Variants in SMPDL3A observed in about 807,000 individuals in gnomAD.
SMPDL3A encodes the protein cyclic GMP-AMP phosphodiesterase SMPDL3A.
A neutral mutation model predicts 38.5 loss-of-function variants in SMPDL3A; 39 were observed. The ratio of observed to expected loss-of-function variants is 1.01; its 90% CI spans 0.78 to 1.32. SMPDL3A has a LOEUF of 1.32. Ranked by LOEUF, SMPDL3A falls within the 40% of genes most tolerant of loss-of-function variation. The pLI, the probability that SMPDL3A is intolerant of heterozygous loss-of-function variation, is 0.00. For missense variants in SMPDL3A, 502 were observed against 536.2 expected, an observed-to-expected ratio of 0.94 and a Z score of 0.63; for synonymous variants, 180 against 194.3, an observed-to-expected ratio of 0.93 and a Z score of 0.61.
At chr6:122,793,390 G>A (rs1009664145) in intron 1 of SMPDL3A, among the ~76,000 whole-genome samples, 8 of 152,138 alleles carry the variant, frequency 5.3e-5, no homozygotes, top group African/African-American at 1.9e-4. Flanking sequence ...CAAACAGTCT[G>A]ACTCTGGCCT....
At chr6:122,791,002 G>A (rs749543469) in intron 1 of SMPDL3A, among the ~76,000 whole-genome samples, 2 of 152,170 alleles carry the variant, frequency 1.3e-5, no homozygotes, top group Non-Finnish European at 2.9e-5. Context: ...TGTTACTGGA[G>A]TTCAAAGGTC....
intron 1 of SMPDL3A, among the ~76,000 whole-genome samples, chr6:122,794,522 G>A (rs1398226658): frequency 1.3e-5 from 2 of 152,098 alleles, no homozygotes; most frequent in South Asian, 2.1e-4. Flanking sequence ...GCTTGAACCC[G>A]GGAGGTGGAG....
intron 3 of SMPDL3A, among the ~76,000 whole-genome samples, chr6:122,797,934 G>A (rs1422936449): frequency 3.3e-5 from 5 of 152,142 alleles, no homozygotes; most frequent in African/African-American, 7.2e-5. Context: ...CCATACGCTA[G>A]ATCTTTTTAC....
At chr6:122,807,637 G>C (rs1781677631) in intron 7 of SMPDL3A, among the ~76,000 whole-genome samples, 1 of 152,104 alleles carries the variant, frequency 6.6e-6, no homozygotes, top group Non-Finnish European at 1.5e-5. Context: ...CTTCAGTTTG[G>C]GTAACTTCCC....
intron 4 of SMPDL3A, 55 bp from the exon 5 acceptor site, chr6:122,803,609 A>C: frequency 6.5e-6 from 9 of 1,390,092 alleles, no homozygotes; most frequent in Non-Finnish European, 9.0e-6. Flanking sequence ...TGCTTTCACA[A>C]TGTTTGTGTG....
chr6:122,805,656 G>T lies in SMPDL3A; in HGVS notation c.919+567G>T, dbSNP rs370964978. On this transcript the variant is annotated intron_variant, in intron 6 of 7. Transcript: ENST00000368440. ...TGTTTTGTTGTTGAGACGGAGCCTC[G>T]CTCTGTTGCCAGGCTGGAGCGCACC... 3.9e-5 allele frequency among the ~76,000 whole-genome samples: 6 copies of T among 152,214 alleles called. No individual in the cohort carries two copies. In the South Asian group the frequency reaches 8.3e-4, roughly 21 times the overall value.
chr6:122,806,680 C>T (rs1421495717), intron 7 of SMPDL3A, among the ~76,000 whole-genome samples: 2 of 152,148 alleles, frequency 1.3e-5, no homozygotes, highest in Admixed American at 1.3e-4. Flanking sequence ...TCTTCTTCTC[C>T]AGAATATAAG....
chr6:122,794,464 GCGT>G (rs1781178019), intron 1 of SMPDL3A, among the ~76,000 whole-genome samples: 1 of 152,100 alleles, frequency 6.6e-6, no homozygotes. Flanking sequence ...GGGTGTGGTG[GCGT>G]GCACCTGTAA....
At position 122,806,258 on chromosome 6, in the gene SMPDL3A, G is replaced by A. The variant is rs41292582; in HGVS notation, c.945G>A (p.Val315=). The change falls in exon 7 of 8, where the codon GTG becomes GTA. Residue 315 remains valine, a synonymous_variant. Transcript: ENST00000368440. ...KKGSPVNSLF[V]APAVTPVKSV... The stretch of plus-strand genomic sequence containing the variant: ...GAAGTCCAGTAAATTCTTTGTTTGT[G>A]GCTCCTGCTGTTACACCAGTGAAGA... The A allele has an allele frequency of 1.0e-3, 1,690 of 1,612,654 alleles. 2 individuals carry two copies. Among genetic ancestry groups the A allele is most frequent in the Non-Finnish European group, 1.4e-3 (1,592 of 1,179,146 alleles).
intron 3 of SMPDL3A, 91 bp downstream of exon 3, chr6:122,797,059 G>A (rs1781273100): frequency 2.8e-6 from 3 of 1,056,834 alleles, no homozygotes; most frequent in Non-Finnish European, 1.4e-6. Flanking sequence ...GATAGGGCAT[G>A]GGAATGGGTC....
Position 122,789,441 on chromosome 6 carries a change from ATCC to A in SMPDL3A, c.102_104del (p.Pro35del), listed in dbSNP as rs771086789. On this transcript the variant is annotated inframe_deletion, in exon 1 of 8. Coordinates refer to ENST00000368440, the MANE Select transcript of SMPDL3A (RefSeq NM_006714.5). ...CCCGTGGCGCCCGCAGGCGGCAGGA[ATCC>A]TCCTCCGGCGATAGGTGAGTTGTCC... The A allele has an allele frequency of 1.9e-6, 3 of 1,549,106 alleles. No individual in the cohort carries two copies. Among genetic ancestry groups the A allele is most frequent in the African/African-American group, 2.7e-5 (2 of 72,974 alleles).
At chr6:122,808,220 C>T (rs1781699345) in intron 7 of SMPDL3A, among the ~76,000 whole-genome samples, 1 of 152,144 alleles carries the variant, frequency 6.6e-6, no homozygotes, top group South Asian at 2.1e-4. Context: ...GCCTAGATCA[C>T]CACGCATACA....
At chr6:122,798,256 C>T (rs1045914306) in intron 3 of SMPDL3A, among the ~76,000 whole-genome samples, 1 of 152,130 alleles carries the variant, frequency 6.6e-6, no homozygotes, top group Admixed American at 6.5e-5. Context: ...TTGAGTCAGC[C>T]TGTCAACGAG....
chr6:122,799,624 G>C (rs751038006), intron 3 of SMPDL3A, among the ~76,000 whole-genome samples: 23 of 152,274 alleles, frequency 1.5e-4, no homozygotes, highest in Admixed American at 2.6e-4. Flanking sequence ...CTAAGCTGTT[G>C]TGTAATTCTC....
At chr6:122,798,911 A>G (rs1328671951) in intron 3 of SMPDL3A, among the ~76,000 whole-genome samples, 2 of 152,160 alleles carry the variant, frequency 1.3e-5, no homozygotes, top group African/African-American at 4.8e-5. Context: ...TCTTATATCT[A>G]AAAATGTTCT....
At chr6:122,808,026 G>A (rs1562357286) in intron 7 of SMPDL3A, among the ~76,000 whole-genome samples, 1 of 152,054 alleles carries the variant, frequency 6.6e-6, no homozygotes, top group East Asian at 1.9e-4. Flanking sequence ...ATGTACTGAT[G>A]TAGGAAGATT....
At chr6:122,808,649 TCC>T (rs749050168) in intron 7 of SMPDL3A, among the ~76,000 whole-genome samples, 292 of 23,540 alleles carry the variant, frequency 0.012, 2 homozygotes, top group Admixed American at 0.019. Flanking sequence ...CTTCCCCCCC[TCC>T]TCCCCCCTCC....
At chr6:122,794,444 A>C (rs1465180553) in intron 1 of SMPDL3A, among the ~76,000 whole-genome samples, 1 of 152,056 alleles carries the variant, frequency 6.6e-6, no homozygotes, top group Non-Finnish European at 1.5e-5. Context: ...AAAAATACAA[A>C]AAATTAGCTG....
At chr6:122,807,359 C>T (rs764557138) in intron 7 of SMPDL3A, among the ~76,000 whole-genome samples, 7 of 152,108 alleles carry the variant, frequency 4.6e-5, no homozygotes, top group East Asian at 1.9e-4. Flanking sequence ...GTTAGCTCGG[C>T]GTGGCGGCGG....
Sources: allele counts gnomAD v4.1 joint callset (sites outside exome capture counted in the v4.1 genomes callset), GRCh38; gene constraint gnomAD v4.1.1; transcripts MANE v1.5; gene names NCBI Gene and HGNC (gene_info 2026-07-23, HGNC 2026-07-21).